Variants in DDX60 observed in about 807,000 individuals in gnomAD.
The protein encoded by DDX60 is DExD/H-box helicase 60.
DDX60 carries 165 observed loss-of-function variants against 212.8 expected under a neutral mutation model. The ratio of observed to expected loss-of-function variants is 0.78; its 90% CI spans 0.68 to 0.88. DDX60 has a LOEUF of 0.88. DDX60 is among the 40% of genes least tolerant of loss of function. The pLI, the probability that DDX60 is intolerant of heterozygous loss-of-function variation, is 0.00. For missense variants in DDX60, 1,905 were observed against 2,003.9 expected (o/e 0.95, Z 0.94); for synonymous variants, 703 against 685.3 (o/e 1.03, Z -0.40).
At chr4:168,255,300 A>T (rs1405252746) in intron 26 of DDX60, among the ~76,000 whole-genome samples, 1 of 152,216 alleles carries the variant, frequency 6.6e-6, no homozygotes, top group Non-Finnish European at 1.5e-5. Flanking sequence ...ATCACTCACA[A>T]AACTGTGATG....
At chr4:168,238,240 A>G (rs1046339315) in intron 30 of DDX60, among the ~76,000 whole-genome samples, 24 of 132,688 alleles carry the variant, frequency 1.8e-4, no homozygotes, top group Non-Finnish European at 2.8e-4. Context: ...AAATTCCAAA[A>G]AAAAAAAAAA....
At chr4:168,277,757 C>T (rs1049261228) in intron 14 of DDX60, among the ~76,000 whole-genome samples, 5 of 143,578 alleles carry the variant, frequency 3.5e-5, no homozygotes, top group East Asian at 2.0e-4. Context: ...TGCAGTGAGC[C>T]GAGATAGTGC....
intron 30 of DDX60, 112 bp from the exon 31 acceptor site, chr4:168,237,907 T>G (rs1457856880): frequency 2.7e-6 from 2 of 739,488 alleles, no homozygotes; most frequent in African/African-American, 1.8e-5. Flanking sequence ...ATATCAGAAA[T>G]GTATCAGAAA....
At position 168,280,655 on chromosome 4, in the gene DDX60, G is replaced by A. The variant is rs959220141; in HGVS notation, c.1723-65C>T. The A allele has an allele frequency of 3.3e-6, 5 of 1,508,986 alleles. No homozygotes were observed. The Admixed American group carries it at 8.4e-5, about 25-fold the overall frequency. 93.5% of individuals were successfully genotyped at this position (1,508,986 alleles called of 1,614,324 possible). ...AATATTCCAAGATAACAGGTCATGA[G>A]TGAGACAATATTATGGGTGTATTGA... On this transcript the variant is annotated intron_variant, in intron 13 of 37. Coordinates refer to ENST00000393743, the MANE Select transcript of DDX60 (RefSeq NM_017631.6).
intron 31 of DDX60, 65 bp downstream of exon 31, chr4:168,237,626 A>C: frequency 7.2e-7 from 1 of 1,390,204 alleles, no homozygotes; most frequent in Admixed American, 1.9e-5. Flanking sequence ...CAATTTGTTC[A>C]GCATGATAAG....
rs17053825 is a variant in DDX60, at chr4:168,238,855, C to T, written c.4165-1060G>A. 7.2e-3 allele frequency among the ~76,000 whole-genome samples: 1,089 copies of T among 152,172 alleles called. 11 individuals carry two copies. The highest frequency in any genetic ancestry group is 0.024 in the Middle Eastern group (7 of 294). On this transcript the variant is annotated intron_variant, in intron 30 of 37. Coordinates refer to ENST00000393743, the MANE Select transcript of DDX60 (RefSeq NM_017631.6). Reference sequence around the variant, plus strand: ...TGTAATAAGACTAGCAGAAGTAGAACGCGACCTTTCAGTCCAGAAAACTAC... The same window carrying T: ...TGTAATAAGACTAGCAGAAGTAGAATGCGACCTTTCAGTCCAGAAAACTAC...
rs1735779006 is a variant in DDX60, at chr4:168,285,375, C to G, written c.1445+18G>C. 1.4e-6 allele frequency: 2 copies of G among 1,435,614 alleles called. No homozygotes were observed. The highest frequency in any genetic ancestry group is 2.3e-5 in the East Asian group (1 of 43,826). 88.9% of individuals were successfully genotyped at this position (1,435,614 alleles called of 1,614,324 possible). A position where few individuals can be genotyped will look rare whatever the true frequency, so the allele number is the denominator to read the frequency against. On this transcript the variant is annotated intron_variant, in intron 11 of 37. Coordinates refer to ENST00000393743, the MANE Select transcript of DDX60 (RefSeq NM_017631.6). ...TTCCACACAAGTATTTATTGAGGCA[C>G]AGTTTTTGGCCTTATACCTCTTTAG...
chr4:168,281,763 A>G (rs1039373218), intron 13 of DDX60, among the ~76,000 whole-genome samples: 6 of 152,194 alleles, frequency 3.9e-5, no homozygotes, highest in African/African-American at 1.4e-4. Context: ...ATGCCTGCCT[A>G]TAATGAAGTC....
At chr4:168,266,887 CACA>C (rs1401886947) in intron 22 of DDX60, among the ~76,000 whole-genome samples, 1 of 152,094 alleles carries the variant, frequency 6.6e-6, no homozygotes, top group Non-Finnish European at 1.5e-5. Context: ...CTTTAATCAT[CACA>C]ACAATCTTAT....
At chr4:168,275,600 A>G in intron 15 of DDX60, 97 bp from the exon 16 acceptor site, 1 of 1,057,976 alleles carries the variant, frequency 9.5e-7, no homozygotes, top group Non-Finnish European at 1.3e-6. Context: ...CTATGTGAAA[A>G]GCATTTTACC....
intron 33 of DDX60, chr4:168,236,051 A>G: frequency 2.2e-6 from 1 of 462,290 alleles, no homozygotes; most frequent in Non-Finnish European, 3.7e-6. Context: ...TTTTTCACAA[A>G]GACTTTAACT....
In DDX60 at chr4:168,225,667, C is replaced by G. The variant is rs748147738; in HGVS notation, c.4543G>C (p.Asp1515His). ...TCACTAAAATCCTCAGGGAGATCAT[C>G]AAGGAACACCTAGAAGCCGAATAAT... ...FEFYQSKVFL[D>H]DLPEDFSDAL... is the part of the protein sequence containing the mutation. The change falls in exon 34 of 38, where the codon GAT becomes CAT. Residue 1515 changes from aspartate (D) to histidine (H), a missense_variant. Asp to His is a moderately conservative substitution (Grantham distance 81). Transcript: ENST00000393743. 1 of 1,610,114 alleles carries G rather than the reference C, an allele frequency of 6.2e-7. No individual in the cohort carries two copies. The highest frequency in any genetic ancestry group is 8.5e-7 in the Non-Finnish European group (1 of 1,178,450).
intron 27 of DDX60, among the ~76,000 whole-genome samples, chr4:168,252,252 T>C (rs1302872457): frequency 1.3e-5 from 2 of 152,208 alleles, no homozygotes; most frequent in East Asian, 3.8e-4. Context: ...TGCACAGGTA[T>C]CTCAGTGTGT....
At position 168,246,314 on chromosome 4, in the gene DDX60, T is replaced by C. The variant is rs1035907919; in HGVS notation, c.4164+104A>G. ...ACATTACAAAACATTAAAAGACTGA[T>C]GAAACTCAAGGGTGATTGCTACAGA... On this transcript the variant is annotated intron_variant, in intron 30 of 37. Transcript: ENST00000393743. 4.6e-6 allele frequency: 6 copies of C among 1,315,998 alleles called. No individual in the cohort carries two copies. In the South Asian group the frequency reaches 6.5e-5, roughly 14 times the overall value. The allele number at this position is 1,315,998 out of a possible 1,614,324, so 81.5% of individuals were successfully genotyped here.
upstream of DDX60, among the ~76,000 whole-genome samples, chr4:168,323,184 C>G (rs938021081): frequency 2.0e-5 from 3 of 152,098 alleles, no homozygotes; most frequent in African/African-American, 7.2e-5. Context: ...TTGATGATGT[C>G]TGAGACTTAC....
chr4:168,238,773 C>A (rs1454574627), intron 30 of DDX60, among the ~76,000 whole-genome samples: 1 of 152,072 alleles, frequency 6.6e-6, no homozygotes, highest in Non-Finnish European at 1.5e-5. Flanking sequence ...TTATAAGAAT[C>A]CTGATAGCAT....
At chr4:168,235,149 T>C (rs760683443) in intron 33 of DDX60, among the ~76,000 whole-genome samples, 3 of 151,942 alleles carry the variant, frequency 2.0e-5, no homozygotes, top group Non-Finnish European at 2.9e-5. Context: ...TTTAATATAA[T>C]GGGACTTTAG....
intron 30 of DDX60, among the ~76,000 whole-genome samples, chr4:168,238,781 C>A (rs1733732505): frequency 6.6e-6 from 1 of 152,090 alleles, no homozygotes; most frequent in Non-Finnish European, 1.5e-5. Flanking sequence ...ATCCTGATAG[C>A]ATTGCATACT....
Position 168,275,490 on chromosome 4 carries a change from T to A in DDX60, c.2159A>T (p.Asp720Val). The change falls in exon 16 of 38, where the codon GAT (aspartate) becomes GTT (valine). Residue 720 changes from aspartate (D) to valine (V), a missense_variant. Physicochemically the swap from Asp to Val is radical, Grantham distance 152. Coordinates refer to ENST00000393743, the MANE Select transcript of DDX60 (RefSeq NM_017631.6). ...TTTATTCCTTTTCTTCACTTTTACATCATTTTCTGCATCCTGCATTATTTT... is the reference window on the plus strand; with the variant it reads ...TTTATTCCTTTTCTTCACTTTTACAACATTTTCTGCATCCTGCATTATTTT... The part of the protein sequence containing the change: ...SLHPAQDAEN[D>V]VKVKKRNKYS... 1 of 1,604,392 alleles carries A rather than the reference T, an allele frequency of 6.2e-7. No individual in the cohort carries two copies. Among genetic ancestry groups the A allele is most frequent in the Non-Finnish European group, 8.5e-7 (1 of 1,175,736 alleles).
Sources: gnomAD v4.1 joint callset for allele counts (sites outside exome capture counted in the v4.1 genomes callset) on GRCh38, gnomAD v4.1.1 for gene constraint, MANE v1.5 for transcripts, NCBI Gene and HGNC (gene_info 2026-07-23, HGNC 2026-07-21) for gene names.